Variants in NAV2 observed in about 807,000 individuals in gnomAD.
The protein encoded by NAV2 is helicase, APC down-regulated 1.
NAV2 carries 54 observed loss-of-function variants against 223.2 expected under a neutral mutation model. That is an observed-to-expected ratio of 0.24 (90% CI 0.19 to 0.30). NAV2 has a LOEUF of 0.30. NAV2 is among the 10% of genes least tolerant of loss of function. NAV2 has a pLI of 1.00. For missense variants in NAV2, 2,806 were observed against 3,147.5 expected (o/e 0.89, Z 2.60); for synonymous variants, 1,279 against 1,239.3 (o/e 1.03, Z -0.67).
rs888944017 is a variant in NAV2, at chr11:19,712,839, C to T, written c.-857C>T. ...CGCAGCAGCGCCGGCAGCAGCCTGTCCTCCCCTGCGCTGAGCCCCGCAGCC... is the reference window on the plus strand; with the variant it reads ...CGCAGCAGCGCCGGCAGCAGCCTGTTCTCCCCTGCGCTGAGCCCCGCAGCC... On this transcript the variant is annotated 5_prime_UTR_variant, in exon 1 of 38. Transcript: ENST00000349880. 4.0e-5 allele frequency among the ~76,000 whole-genome samples: 6 copies of T among 151,342 alleles called. No individual in the cohort carries two copies. The highest frequency in any genetic ancestry group is 7.4e-5 in the Non-Finnish European group (5 of 67,826).
At chr11:19,674,547 G>A (rs1302460570) in intron 1 of NAV2, among the ~76,000 whole-genome samples, 1 of 152,158 alleles carries the variant, frequency 6.6e-6, no homozygotes, top group African/African-American at 2.4e-5. Context: ...GTGTTGTCAC[G>A]GGCCAGGCTT....
chr11:19,707,945 T>C (rs970846537), upstream of NAV2, among the ~76,000 whole-genome samples: 4 of 152,240 alleles, frequency 2.6e-5, no homozygotes, highest in African/African-American at 9.6e-5. Flanking sequence ...AGTGCGTGAC[T>C]ATATTTATTT....
intron 1 of NAV2, among the ~76,000 whole-genome samples, chr11:19,517,404 A>C (rs897611343): frequency 6.6e-6 from 1 of 152,206 alleles, no homozygotes; most frequent in Non-Finnish European, 1.5e-5. Context: ...CTTTTAAATG[A>C]GAATAATGAC....
chr11:19,759,961 C>G (rs1378944493), intron 1 of NAV2: 1 of 154,314 alleles, frequency 6.5e-6, no homozygotes, highest in Non-Finnish European at 1.5e-5. Flanking sequence ...CTCAGCCCTC[C>G]ATAGCATCCT....
intron 1 of NAV2, among the ~76,000 whole-genome samples, chr11:19,396,676 C>G (rs1462932714): frequency 6.6e-6 from 1 of 152,146 alleles, no homozygotes; most frequent in African/African-American, 2.4e-5. Context: ...TAGGTGTTCA[C>G]TGATAAAGAG....
At chr11:19,758,479 G>A (rs752072130) in intron 1 of NAV2, among the ~76,000 whole-genome samples, 2 of 152,192 alleles carry the variant, frequency 1.3e-5, no homozygotes, top group African/African-American at 4.8e-5. Context: ...AGGAAGCAGC[G>A]ACTGTGATTG....
intron 14 of NAV2, among the ~76,000 whole-genome samples, chr11:20,047,734 A>T (rs1475639826): frequency 1.3e-5 from 2 of 152,212 alleles, no homozygotes; most frequent in Non-Finnish European, 2.9e-5. Context: ...TCTTTACAAT[A>T]CTTGAGATTT....
intron 1 of NAV2, among the ~76,000 whole-genome samples, chr11:19,485,114 T>G (rs997893548): frequency 2.6e-5 from 4 of 152,110 alleles, no homozygotes; most frequent in Admixed American, 2.6e-4. Context: ...CACAGGCAAC[T>G]CCTGTGGACC....
In NAV2 at chr11:20,016,936, G is replaced by A. The variant is rs142455606; in HGVS notation, c.2769-19023G>A. On this transcript the variant is annotated intron_variant, in intron 11 of 37. Transcript: ENST00000349880. Reference sequence around the variant, plus strand: ...CATGAGAATTGCATGAACCTGGGAGGTGGAGGTTGCAGTGAGCTGAGATCG... The same window carrying A: ...CATGAGAATTGCATGAACCTGGGAGATGGAGGTTGCAGTGAGCTGAGATCG... Among the ~76,000 whole-genome samples the A allele has an allele frequency of 2.4e-3, 366 of 152,304 alleles. 1 individual carries two copies. The highest frequency in any genetic ancestry group is 8.4e-3 in the African/African-American group (349 of 41,550).
chr11:19,997,940 G>A (rs1316744933), intron 11 of NAV2, among the ~76,000 whole-genome samples: 1 of 151,956 alleles, frequency 6.6e-6, no homozygotes, highest in Non-Finnish European at 1.5e-5. Context: ...TCATCTATCC[G>A]GGGTCTCTCC....
chr11:19,777,551 G>T, intron 1 of NAV2: 1 of 455,132 alleles, frequency 2.2e-6, no homozygotes, highest in Non-Finnish European at 4.4e-6. Context: ...CCCCCTGGGC[G>T]CTGCTCTACT....
upstream of NAV2, among the ~76,000 whole-genome samples, chr11:19,349,823 C>T (rs1853202501): frequency 6.6e-6 from 1 of 152,174 alleles, no homozygotes; most frequent in Non-Finnish European, 1.5e-5. Context: ...CCCTGTCCCT[C>T]CGAGCTTCTG....
rs79911166 is a variant in NAV2 at position 19,606,335 on chromosome 11, G to A, written c.76-226149G>A. On this transcript the variant is annotated intron_variant, in intron 1 of 37. Coordinates refer to the NAV2 transcript ENST00000360655. ...TTATTTAACCTTCACCCTAATCCTG[G>A]GGCTTAAATGTTACACTACTCATTT... 4.0e-3 allele frequency among the ~76,000 whole-genome samples: 615 copies of A among 152,220 alleles called. 1 individual carries two copies. Among genetic ancestry groups the A allele is most frequent in the African/African-American group, 0.014 (585 of 41,544 alleles).
rs189607864 is a variant in NAV2, at chr11:19,964,174, G to A, written c.2645+15094G>A. ...GAGTTGAGAGAGAGGGAGAGAGACA[G>A]AGATTGAGGACAGCTAACAGACTGG... On this transcript the variant is annotated intron_variant, in intron 10 of 37. Coordinates refer to ENST00000349880, the MANE Select transcript of NAV2 (RefSeq NM_145117.5). Among the ~76,000 whole-genome samples, 586 of 152,274 alleles carry A rather than the reference G, an allele frequency of 3.8e-3. 3 individuals carry two copies. Among genetic ancestry groups the A allele is most frequent in the Middle Eastern group, 6.8e-3 (2 of 294 alleles).
At chr11:19,688,583 G>T (rs758642165) in intron 1 of NAV2, among the ~76,000 whole-genome samples, 1 of 152,218 alleles carries the variant, frequency 6.6e-6, no homozygotes, top group African/African-American at 2.4e-5. Flanking sequence ...ATATTCATAT[G>T]CTCTTTTCAA....
intron 1 of NAV2, among the ~76,000 whole-genome samples, chr11:19,583,986 G>A (rs563691870): frequency 3.3e-5 from 5 of 152,290 alleles, no homozygotes; most frequent in East Asian, 3.9e-4. Flanking sequence ...GGTAGAATTC[G>A]GCTGTGAATC....
chr11:20,028,330 G>T (rs1340321625), intron 11 of NAV2, among the ~76,000 whole-genome samples: 1 of 152,130 alleles, frequency 6.6e-6, no homozygotes, highest in African/African-American at 2.4e-5. Flanking sequence ...GGTTTAATGG[G>T]CCCTTCCATG....
rs1590057396 is a variant in NAV2, at chr11:19,364,798, A to G, written c.75+13771A>G. Among the ~76,000 whole-genome samples, 4 of 152,250 alleles carry G rather than the reference A, an allele frequency of 2.6e-5. No individual in the cohort carries two copies. The South Asian group carries it at 8.3e-4, about 31-fold the overall frequency. Reference sequence around the variant, plus strand: ...GGGTCTGTTTTCCACTGTATAAAATAGGGATTTGCTTTACAGAAGATGTCA... The same window carrying G: ...GGGTCTGTTTTCCACTGTATAAAATGGGGATTTGCTTTACAGAAGATGTCA... On this transcript the variant is annotated intron_variant, in intron 1 of 37. Transcript: ENST00000360655.
intron 29 of NAV2, among the ~76,000 whole-genome samples, chr11:20,093,673 T>C (rs1234159034): frequency 6.6e-6 from 1 of 152,078 alleles, no homozygotes; most frequent in Non-Finnish European, 1.5e-5. Context: ...CCTGGGAGCA[T>C]GCAGGTGGCT....
Sources: gnomAD v4.1 joint callset for allele counts (sites outside exome capture counted in the v4.1 genomes callset) on GRCh38, gnomAD v4.1.1 for gene constraint, MANE v1.5 for transcripts, NCBI Gene and HGNC (gene_info 2026-07-23, HGNC 2026-07-21) for gene names.